CACNA1B: variants seen among roughly 807,000 people sequenced by gnomAD.
CACNA1B encodes the protein voltage-dependent N-type calcium channel subunit alpha-1B.
A neutral mutation model predicts 247.2 loss-of-function variants in CACNA1B; 70 were observed. The ratio of observed to expected loss-of-function variants is 0.28; its 90% confidence interval spans 0.23 to 0.35. The LOEUF (loss-of-function observed/expected upper bound fraction) is 0.35. Among genes scored for constraint, CACNA1B ranks in the 10% least tolerant of loss-of-function variants. The pLI is 1.00. For synonymous variants in CACNA1B, 1,231 were observed against 1,294.4 expected (o/e 0.95, Z 1.05); for missense variants, 2,367 against 3,197.4 (o/e 0.74, Z 6.26).
Position 138,011,275 on chromosome 9 carries a change from C to A in CACNA1B, c.2160+1198C>A, listed in dbSNP as rs956421686. On this transcript the variant is annotated intron_variant, in intron 17 of 46. Coordinates refer to ENST00000371372, the MANE Select transcript of CACNA1B (RefSeq NM_000718.4). The surrounding 1 kb of genome is among the most constrained non-coding windows in gnomAD (Gnocchi z 4.2). ...GCTGCACTGGAGCGCTGGGGCCCCACTGTCTCTTTAAGTTCTGTCATGAAG... is the reference window on the plus strand; with the variant it reads ...GCTGCACTGGAGCGCTGGGGCCCCAATGTCTCTTTAAGTTCTGTCATGAAG... Among the ~76,000 whole-genome samples the A allele has an allele frequency of 2.2e-4, 34 of 152,208 alleles. No homozygotes were observed. Among genetic ancestry groups the A allele is most frequent in the African/African-American group, 8.2e-4 (34 of 41,462 alleles).
chr9:138,023,658 G>C lies in CACNA1B; in HGVS notation c.2915G>C (p.Gly972Ala), dbSNP rs1211413894. Residue 972 changes from glycine (G) to alanine (A), a missense_variant, in exon 19 of 47, where the codon GGG becomes GCG. Gly to Ala is a moderately conservative substitution (Grantham distance 60, BLOSUM62 0). Coordinates refer to ENST00000371372, the MANE Select transcript of CACNA1B (RefSeq NM_000718.4). ...GCGGGGCCCCGGGAGGCGGAGAGCG[G>C]GGAGGAGCCGGCGCGGCGGCACCGG... ...PRAGPREAESGEEPARRHRAR... is the reference protein window; with the variant it reads ...PRAGPREAESAEEPARRHRAR... The C allele has an allele frequency of 2.0e-6, 3 of 1,485,550 alleles. No individual in the cohort carries two copies. The highest frequency in any genetic ancestry group is 2.7e-6 in the Non-Finnish European group (3 of 1,115,506). The allele number at this position is 1,485,550 out of a possible 1,614,324, so 92.0% of individuals were successfully genotyped here.
intron 36 of CACNA1B, among the ~76,000 whole-genome samples, chr9:138,081,917 G>A (rs1373649717): frequency 1.3e-5 from 2 of 151,020 alleles, no homozygotes; most frequent in East Asian, 2.0e-4. Flanking sequence ...TAATGGCAAA[G>A]GGACACTCTT....
chr9:138,118,620 G>A, intron 43 of CACNA1B, 32 bp from the exon 44 acceptor site: 3 of 1,095,112 alleles, frequency 2.7e-6, no homozygotes, highest in South Asian at 2.7e-5. Flanking sequence ...GGTGCCTTGT[G>A]TGGTGGGACT....
At chr9:137,918,787 C>T (rs1243286115) in intron 6 of CACNA1B, among the ~76,000 whole-genome samples, 2 of 152,294 alleles carry the variant, frequency 1.3e-5, no homozygotes, top group African/African-American at 2.4e-5. Flanking sequence ...CTTGAACAGG[C>T]AGATGGCAGA....
Position 138,121,643 on chromosome 9 carries a change from G to A in CACNA1B, c.6664G>A (p.Ala2222Thr). The A allele has an allele frequency of 6.2e-7, 1 of 1,612,874 alleles. No individual in the cohort carries two copies. Among genetic ancestry groups the A allele is most frequent in the African/African-American group, 1.3e-5 (1 of 74,974 alleles). ...HFAGAQTSLP[A>T]FSPGRLSRGL... ...CGCCGGGGCTCAGACCAGCCTCCCTGCCTTCTCCCCAGGCCGGCTCAGCCG... is the reference window on the plus strand; with the variant it reads ...CGCCGGGGCTCAGACCAGCCTCCCTACCTTCTCCCCAGGCCGGCTCAGCCG... Residue 2222 changes from alanine to threonine, a missense_variant, in exon 47 of 47, where the codon GCC (alanine) becomes ACC (threonine). Ala to Thr is a moderately conservative substitution (Grantham distance 58, BLOSUM62 0). Around this residue, in one of 12 missense-constraint regions of CACNA1B, gnomAD observed 773 missense variants for 779.4 expected, o/e 0.99. Transcript: ENST00000371372. This position sits in a 1 kb window ranked among gnomAD's most constrained non-coding sequence, Gnocchi z 6.8.
Position 138,121,507 on chromosome 9 carries a change from A to G in CACNA1B, c.6528A>G (p.Thr2176=), listed in dbSNP as rs201643001. The change falls in exon 47 of 47, where the codon ACA becomes ACG. Residue 2176 remains threonine (T), a synonymous_variant. Coordinates refer to ENST00000371372, the MANE Select transcript of CACNA1B (RefSeq NM_000718.4). The surrounding 1 kb of genome is among the most constrained non-coding windows in gnomAD (Gnocchi z 6.8). ...GSVNGSPLLS[T]SGASTPGRGG... ...TGAATGGGAGCCCCTTGCTGTCAAC[A>G]TCTGGTGCTAGCACCCCCGGCCGCG... The G allele has an allele frequency of 1.9e-6, 3 of 1,555,020 alleles. No homozygotes were observed. The highest frequency in any genetic ancestry group is 2.6e-6 in the Non-Finnish European group (3 of 1,148,984).
At chr9:137,961,999 C>T (rs1958026420) in intron 10 of CACNA1B, among the ~76,000 whole-genome samples, 1 of 152,116 alleles carries the variant, frequency 6.6e-6, no homozygotes, top group Non-Finnish European at 1.5e-5. Context: ...GCTGTGAGTC[C>T]ATCTGGACCT....
At chr9:138,094,947 A>G (rs752245653) in intron 36 of CACNA1B, among the ~76,000 whole-genome samples, 1 of 152,214 alleles carries the variant, frequency 6.6e-6, no homozygotes, top group African/African-American at 2.4e-5. Flanking sequence ...ACCTCACTCA[A>G]TATACAAAAT....
intron 6 of CACNA1B, among the ~76,000 whole-genome samples, chr9:137,939,165 G>A (rs758484597): frequency 6.6e-6 from 1 of 152,130 alleles, no homozygotes; most frequent in South Asian, 2.1e-4. Context: ...GGTCATCAAG[G>A]CAGAAAGTCA....
intron 15 of CACNA1B, among the ~76,000 whole-genome samples, chr9:138,003,837 G>T (rs1958612943): frequency 6.9e-6 from 1 of 145,802 alleles, no homozygotes; most frequent in African/African-American, 2.6e-5. Context: ...GCCCAGGCTG[G>T]TGTCGAACTC....
At position 137,882,168 on chromosome 9, in the gene CACNA1B, G is replaced by C. The variant is rs896702811; in HGVS notation, c.391-576G>C. ...ATGTTGAATGCATAAACGGGGCCTG[G>C]ACTGAGTTCAAGAAAGCCTGAGCTG... On this transcript the variant is annotated intron_variant, in intron 2 of 46. Transcript: ENST00000371372. This position sits in a 1 kb window ranked among gnomAD's most constrained non-coding sequence, Gnocchi z 4.0. Among the ~76,000 whole-genome samples the C allele has an allele frequency of 1.2e-4, 19 of 152,164 alleles. No individual in the cohort carries two copies. Among genetic ancestry groups the C allele is most frequent in the Non-Finnish European group, 2.1e-4 (14 of 68,036 alleles).
Position 138,050,298 on chromosome 9 carries a change from C to A in CACNA1B, c.3710+983C>A, listed in dbSNP as rs1959231586. On this transcript the variant is annotated intron_variant, in intron 24 of 46. Coordinates refer to ENST00000371372, the MANE Select transcript of CACNA1B (RefSeq NM_000718.4). This position sits in a 1 kb window ranked among gnomAD's most constrained non-coding sequence, Gnocchi z 5.2. The stretch of plus-strand genomic sequence containing the variant: ...TGGGCTGGAGCTGGGCATGGTCAGC[C>A]CTTGGTGAGGAGCTTGCTGGTGAGC... Among the ~76,000 whole-genome samples, 1 of 152,174 alleles carries A rather than the reference C, an allele frequency of 6.6e-6. No individual in the cohort carries two copies. The highest frequency in any genetic ancestry group is 2.4e-5 in the African/African-American group (1 of 41,438).
chr9:138,040,627 C>A (rs994187174), intron 20 of CACNA1B: 1 of 426,254 alleles, frequency 2.3e-6, no homozygotes, highest in East Asian at 7.8e-5. Context: ...GTCCGATGTT[C>A]GAGGGCAGGA....
Position 138,010,142 on chromosome 9 carries a change from G to C in CACNA1B, c.2160+65G>C. On this transcript the variant is annotated intron_variant, in intron 17 of 46. Coordinates refer to ENST00000371372, the MANE Select transcript of CACNA1B (RefSeq NM_000718.4). The surrounding 1 kb of genome is among the most constrained non-coding windows in gnomAD (Gnocchi z 5.3). The stretch of plus-strand genomic sequence containing the variant: ...ACTTGAATGTGGCCGCAGCCAGGAA[G>C]AGTCTGGGTCCTGGGTTAGGGCCTC... 2 of 1,349,626 alleles carry C rather than the reference G, an allele frequency of 1.5e-6. No individual in the cohort carries two copies. Among genetic ancestry groups the C allele is most frequent in the Non-Finnish European group, 2.1e-6 (2 of 940,494 alleles). The allele number at this position is 1,349,626 out of a possible 1,614,324, so 83.6% of individuals were successfully genotyped here. A position where few individuals can be genotyped will look rare whatever the true frequency, so the allele number is the denominator to read the frequency against.
intron 20 of CACNA1B, among the ~76,000 whole-genome samples, chr9:138,034,876 C>T (rs566436015): frequency 1.3e-5 from 2 of 152,262 alleles, no homozygotes; most frequent in African/African-American, 4.8e-5. Context: ...TACATAACTA[C>T]TCTCGCACTT....
chr9:137,959,682 AC>A (rs1957988340), intron 10 of CACNA1B, among the ~76,000 whole-genome samples: 1 of 152,032 alleles, frequency 6.6e-6, no homozygotes, highest in South Asian at 2.1e-4. Flanking sequence ...GGCGCTGTGC[AC>A]CGGCTCTCTG....
rs761775662 is a variant in CACNA1B, at chr9:138,075,913, GTGT to G, written c.4949+8_4949+10del. On this transcript the variant is annotated splice_donor_5th_base_variant and intron_variant, in intron 35 of 46. Coordinates refer to ENST00000371372, the MANE Select transcript of CACNA1B (RefSeq NM_000718.4). Reference sequence around the variant, plus strand: ...CAAGCCCTGATGCTGCTGTTCAGGTGTGTTGTTCGGTCAGCCCAGGCCAATGTC... The same window carrying G: ...CAAGCCCTGATGCTGCTGTTCAGGTGTGTTCGGTCAGCCCAGGCCAATGTC... The G allele has an allele frequency of 3.1e-5, 50 of 1,597,240 alleles. No homozygotes were observed. Among genetic ancestry groups the G allele is most frequent in the Non-Finnish European group, 4.2e-5 (49 of 1,167,316 alleles).
At chr9:137,934,030 A>G (rs1589016424) in intron 6 of CACNA1B, among the ~76,000 whole-genome samples, 3 of 152,272 alleles carry the variant, frequency 2.0e-5, no homozygotes, top group African/African-American at 7.2e-5. Context: ...AAGTGATTCC[A>G]TCCATTTTGA....
Position 138,118,003 on chromosome 9 carries a change from G to T in CACNA1B, c.5835G>T (p.Gln1945His). ...ESVSWGTQRTQDAPHEARPPL... is the reference protein window; with the variant it reads ...ESVSWGTQRTHDAPHEARPPL... ...TCTCCTGGGGCACTCAAAGGACCCA[G>T]GATGCACCCCATGAGGCCAGGCCAC... The change falls in exon 43 of 47, where the codon CAG becomes CAT. Residue 1945 changes from glutamine to histidine, a missense_variant. By Grantham distance (24) the Gln-to-His change is conservative. Transcript: ENST00000371372. 1.2e-6 allele frequency: 2 copies of T among 1,602,056 alleles called. No individual in the cohort carries two copies. The highest frequency in any genetic ancestry group is 1.1e-5 in the South Asian group (1 of 88,574).
Sources: gnomAD v4.1 joint callset for allele counts (sites outside exome capture counted in the v4.1 genomes callset) on GRCh38, gnomAD v4.1.1 for gene constraint, gnomAD v4.1.1 regional missense constraint, Gnocchi (gnomAD v3.1) non-coding constraint, MANE v1.5 for transcripts, NCBI Gene and HGNC (gene_info 2026-07-23, HGNC 2026-07-21) for gene names.